Variants in CACNG5 observed in about 807,000 individuals in gnomAD.
CACNG5 encodes calcium voltage-gated channel auxiliary subunit gamma 5, also known as voltage-dependent calcium channel gamma-5 subunit.
Under a neutral mutation model 24.8 loss-of-function variants are expected in CACNG5, and 18 were observed. The observed-to-expected ratio is 0.73, with a 90% CI of 0.50 to 1.08. CACNG5 has a LOEUF of 1.08. Ranked by LOEUF, CACNG5 falls within the 50% of genes least tolerant of loss-of-function variation. The pLI is 0.00. For missense variants in CACNG5, 349 were observed against 367.9 expected, an observed-to-expected ratio of 0.95 and a Z score of 0.42; for synonymous variants, 157 against 149.1, an observed-to-expected ratio of 1.05 and a Z score of -0.39.
chr17:66,849,013 A>T (rs1042724644), intron 1 of CACNG5, among the ~76,000 whole-genome samples: 2 of 152,032 alleles, frequency 1.3e-5, no homozygotes, highest in Non-Finnish European at 2.9e-5. Context: ...GCATTGATTG[A>T]GTGCTTGTTG....
At chr17:66,844,508 A>G (rs568795951) in intron 1 of CACNG5, among the ~76,000 whole-genome samples, 1 of 152,320 alleles carries the variant, frequency 6.6e-6, no homozygotes, top group Non-Finnish European at 1.5e-5. Flanking sequence ...CGATATACTG[A>G]TAGCCACTCA....
At position 66,877,401 on chromosome 17, in the gene CACNG5, C is replaced by T. The variant is rs781242191; in HGVS notation, c.69C>T (p.Leu23=). The T allele has an allele frequency of 3.7e-6, 6 of 1,614,124 alleles. No individual in the cohort carries two copies. Among genetic ancestry groups the T allele is most frequent in the East Asian group, 4.5e-5 (2 of 44,876 alleles). Residue 23 remains leucine, a synonymous_variant, in exon 2 of 6, where the codon CTC becomes CTT. Transcript: ENST00000533854. ...TCTTTGCTGTCTGTGGCTTGGGCCT[C>T]CTGGGTATCGCGGTCAGCACCGACT... ...SSVFAVCGLG[L]LGIAVSTDYW...
In CACNG5 at chr17:66,893,940, T is replaced by G. The variant is rs1977377362; in HGVS notation, c.*8700T>G. On this transcript the variant is annotated 3_prime_UTR_variant, in exon 6 of 6. Transcript: ENST00000533854. ...AAATTAAGTCTGTCTGAGCCCCTAT[T>G]CACCTGGGTGGTGAGAAATTCAGTG... 6.6e-6 allele frequency among the ~76,000 whole-genome samples: 1 copy of G among 152,120 alleles called. No individual in the cohort carries two copies. The highest frequency in any genetic ancestry group is 2.1e-4 in the South Asian group (1 of 4,822).
intron 1 of CACNG5, among the ~76,000 whole-genome samples, chr17:66,872,736 C>A (rs931827121): frequency 2.6e-5 from 4 of 152,166 alleles, no homozygotes; most frequent in Non-Finnish European, 5.9e-5. Flanking sequence ...CCTGCCACCC[C>A]ACTAGGTGGG....
rs1468783743 is a variant in CACNG5, at chr17:66,894,455, A to G, written c.*9215A>G. On this transcript the variant is annotated 3_prime_UTR_variant, in exon 6 of 6. Coordinates refer to ENST00000533854, the MANE Select transcript of CACNG5 (RefSeq NM_145811.3). ...CTGTTTCTTTAGCACCTACTATATA[A>G]CAGCTTCTGTCCTGGGCTGTTTCTC... Among the ~76,000 whole-genome samples, 2 of 151,880 alleles carry G rather than the reference A, an allele frequency of 1.3e-5. No individual in the cohort carries two copies. The highest frequency in any genetic ancestry group is 4.8e-5 in the African/African-American group (2 of 41,316).
chr17:66,862,904 G>C (rs200919355), intron 1 of CACNG5, among the ~76,000 whole-genome samples: 38,951 of 149,266 alleles, frequency 0.26, 6,445 homozygotes, highest in East Asian at 0.73. Context: ...GTGTGTGTGT[G>C]TGTGTGTGTG....
intron 1 of CACNG5, among the ~76,000 whole-genome samples, chr17:66,857,354 C>T (rs958800842): frequency 3.3e-5 from 5 of 151,998 alleles, no homozygotes; most frequent in African/African-American, 7.2e-5. Context: ...CCTGAGAACA[C>T]GTTTTTAAAC....
intron 1 of CACNG5, among the ~76,000 whole-genome samples, chr17:66,861,381 A>G (rs1976856206): frequency 6.6e-6 from 1 of 152,182 alleles, no homozygotes; most frequent in African/African-American, 2.4e-5. Flanking sequence ...TTACCTCGTA[A>G]CCCTTTAAAG....
intron 2 of CACNG5, 26 bp downstream of exon 2, chr17:66,877,554 G>T: frequency 6.3e-7 from 1 of 1,594,976 alleles, no homozygotes. Context: ...GTTGGGGACA[G>T]CCCTGCCCCC....
At chr17:66,879,209 G>C (rs539903586) in intron 3 of CACNG5, 151 bp downstream of exon 3, 31 of 560,698 alleles carry the variant, frequency 5.5e-5, no homozygotes, top group Non-Finnish European at 8.2e-5. Flanking sequence ...TGATCCACTA[G>C]AGCTTAATTT....
At chr17:66,842,772 G>A (rs998075043) in intron 1 of CACNG5, among the ~76,000 whole-genome samples, 3 of 152,200 alleles carry the variant, frequency 2.0e-5, no homozygotes, top group East Asian at 1.9e-4. Flanking sequence ...AAAAGGAAGC[G>A]TCTGATGGGG....
intron 3 of CACNG5, 46 bp from the exon 4 acceptor site, chr17:66,880,511 A>G (rs372144573): frequency 8.1e-5 from 130 of 1,612,510 alleles, no homozygotes; most frequent in Admixed American, 5.7e-4. Flanking sequence ...TGAGGAATGA[A>G]TCAGGCCTGG....
At chr17:66,850,084 C>T (rs1976693757) in intron 1 of CACNG5, among the ~76,000 whole-genome samples, 1 of 152,138 alleles carries the variant, frequency 6.6e-6, no homozygotes, top group African/African-American at 2.4e-5. Context: ...GTGAGAAAGC[C>T]CCTGCAGCCA....
chr17:66,874,869 T>A (rs1977053891), intron 1 of CACNG5, among the ~76,000 whole-genome samples: 2 of 152,218 alleles, frequency 1.3e-5, no homozygotes, highest in Admixed American at 1.3e-4. Flanking sequence ...CTGCTAACCA[T>A]CCTTGGTGTT....
intron 1 of CACNG5, among the ~76,000 whole-genome samples, chr17:66,870,239 G>A (rs1030721325): frequency 1.3e-5 from 2 of 152,142 alleles, no homozygotes; most frequent in Non-Finnish European, 2.9e-5. Flanking sequence ...ATGTTGGCTG[G>A]GGCTGCTGTT....
At chr17:66,851,166 C>CA (rs1009697822) in intron 1 of CACNG5, among the ~76,000 whole-genome samples, 27 of 151,628 alleles carry the variant, frequency 1.8e-4, no homozygotes, top group South Asian at 8.4e-4. Context: ...GGGTCTCCTC[C>CA]AAAAAAAACA....
chr17:66,855,694 A>G (rs531121084), intron 1 of CACNG5, among the ~76,000 whole-genome samples: 81 of 152,266 alleles, frequency 5.3e-4, no homozygotes, highest in South Asian at 1.9e-3. Flanking sequence ...ACGGGGTTTC[A>G]CCATGTTGGT....
chr17:66,857,881 T>C (rs1295957043), intron 1 of CACNG5, among the ~76,000 whole-genome samples: 1 of 152,172 alleles, frequency 6.6e-6, no homozygotes, highest in East Asian at 1.9e-4. Flanking sequence ...AGGTCACATA[T>C]AGTTGGTCTC....
chr17:66,864,718 A>G (rs576988875), intron 1 of CACNG5, among the ~76,000 whole-genome samples: 1 of 152,346 alleles, frequency 6.6e-6, no homozygotes, highest in East Asian at 1.9e-4. Flanking sequence ...AATAGCTGGT[A>G]GTTCCCACTC....
Sources: gnomAD v4.1 joint callset for allele counts (sites outside exome capture counted in the v4.1 genomes callset) on GRCh38, gnomAD v4.1.1 for gene constraint, MANE v1.5 for transcripts, NCBI Gene and HGNC (gene_info 2026-07-23, HGNC 2026-07-21) for gene names.